Variants in BAZ1B observed in about 807,000 individuals in gnomAD.
BAZ1B encodes the protein bromodomain adjacent to zinc finger domain 1B.
Under a neutral mutation model 153.8 loss-of-function variants are expected in BAZ1B, and 22 were observed. That is an observed-to-expected ratio of 0.14 (90% CI 0.10 to 0.20). The LOEUF (loss-of-function observed/expected upper bound fraction) is 0.20, where lower values mean the gene tolerates loss of function less well. Among genes scored for constraint, BAZ1B ranks in the 10% least tolerant of loss-of-function variants. BAZ1B has a pLI of 1.00. For synonymous variants in BAZ1B, 676 were observed against 633.4 expected (o/e 1.07, Z -1.01); for missense variants, 1,325 against 1,799.3 (o/e 0.74, Z 4.77).
At position 73,521,832 on chromosome 7, in the gene BAZ1B, G is replaced by C; in HGVS notation, c.102C>G (p.Thr34=). 2.0e-6 allele frequency: 3 copies of C among 1,498,764 alleles called. No individual in the cohort carries two copies. Among genetic ancestry groups the C allele is most frequent in the East Asian group, 2.9e-5 (1 of 34,382 alleles). The allele number at this position is 1,498,764 out of a possible 1,614,324, so 92.8% of individuals were successfully genotyped here. The change falls in exon 1 of 20, where the codon ACC becomes ACG. Residue 34 remains threonine, a synonymous_variant. Transcript: ENST00000339594. Reference sequence around the variant, plus strand: ...GCGCGGCTGGAAAAGGATACTCCCGGGTGCGGAAGGCCTCCTGAGTGTGCG... The same window carrying C: ...GCGCGGCTGGAAAAGGATACTCCCGCGTGCGGAAGGCCTCCTGAGTGTGCG... ...TIPHTQEAFR[T]REEYEARLER... is the part of the protein sequence containing the mutation.
At chr7:73,442,135 C>CA in intron 19 of BAZ1B, 46 bp downstream of exon 19, 6 of 615,044 alleles carry the variant, frequency 9.8e-6, no homozygotes, top group Non-Finnish European at 1.2e-5. Flanking sequence ...CCTCGCTCGC[C>CA]TCCCTCCCAC....
At chr7:73,463,993 A>C in intron 11 of BAZ1B, 4 of 438,152 alleles carry the variant, frequency 9.1e-6, no homozygotes, top group African/African-American at 2.1e-5. Context: ...GGCGTGAGCC[A>C]CCGCGGCCGG....
chr7:73,444,207 T>G, intron 16 of BAZ1B, 78 bp from the exon 17 acceptor site: 1 of 1,447,966 alleles, frequency 6.9e-7, no homozygotes, highest in Non-Finnish European at 9.2e-7. Flanking sequence ...GGGAAAGGGA[T>G]GCAGGGAGAA....
At position 73,450,147 on chromosome 7, in the gene BAZ1B, A is replaced by C. The variant is rs1382221040; in HGVS notation, c.3581-458T>G. Among the ~76,000 whole-genome samples, 1 of 151,810 alleles carries C rather than the reference A, an allele frequency of 6.6e-6. No homozygotes were observed. Among genetic ancestry groups the C allele is most frequent in the East Asian group, 1.9e-4 (1 of 5,164 alleles). On this transcript the variant is annotated intron_variant, in intron 14 of 19. Transcript: ENST00000339594. The surrounding 1 kb of genome is among the most constrained non-coding windows in gnomAD (Gnocchi z 4.1). ...ACTGCAACCTCCGCCTCCCGGGTTC[A>C]AGTGATTCTCCTGCTTCAGCCTCCC...
At chr7:73,502,004 T>C (rs62465156) in intron 3 of BAZ1B, among the ~76,000 whole-genome samples, 9,271 of 151,566 alleles carry the variant, frequency 0.061, 321 homozygotes, top group African/African-American at 0.078. Context: ...AATTCTCCTG[T>C]CTCAGCCTTC....
intron 3 of BAZ1B, among the ~76,000 whole-genome samples, chr7:73,505,585 A>C (rs975911859): frequency 1.3e-5 from 2 of 152,128 alleles, no homozygotes; most frequent in African/African-American, 4.8e-5. Context: ...GCTGAAGAAC[A>C]GTTCAAGCAT....
At chr7:73,516,217 C>T (rs1554579259) in intron 1 of BAZ1B, among the ~76,000 whole-genome samples, 1 of 152,116 alleles carries the variant, frequency 6.6e-6, no homozygotes, top group African/African-American at 2.4e-5. Context: ...GGTCTCACTA[C>T]ATTGCCTTGT....
At chr7:73,472,559 G>A (rs1349729464) in intron 7 of BAZ1B, among the ~76,000 whole-genome samples, 5 of 152,018 alleles carry the variant, frequency 3.3e-5, no homozygotes, top group South Asian at 2.1e-4. Context: ...GCGCCCGGCC[G>A]CAGTTATACT....
intron 15 of BAZ1B, among the ~76,000 whole-genome samples, chr7:73,449,156 A>C (rs1239652982): frequency 6.6e-6 from 1 of 152,210 alleles, no homozygotes; most frequent in Non-Finnish European, 1.5e-5. Context: ...TCTACTCATG[A>C]TAGGGAAGAA....
intron 3 of BAZ1B, among the ~76,000 whole-genome samples, chr7:73,502,284 A>C (rs1388249205): frequency 6.6e-6 from 1 of 152,178 alleles, no homozygotes; most frequent in Non-Finnish European, 1.5e-5. Context: ...GCCGGTCATC[A>C]ATAAATATCT....
rs1482380778 is a variant in BAZ1B, at chr7:73,521,934, C to CGCGGCG, written c.-7_-2dup. The CGCGGCG allele has an allele frequency of 6.9e-7, 1 of 1,453,770 alleles. No individual in the cohort carries two copies. The highest frequency in any genetic ancestry group is 1.3e-5 in the South Asian group (1 of 77,002). 90.1% of individuals were successfully genotyped at this position (1,453,770 alleles called of 1,614,324 possible). On this transcript the variant is annotated 5_prime_UTR_variant, in exon 1 of 20. Transcript: ENST00000339594. ...GCTTGCGGCCCAGGAGCGGCGCCAT[C>CGCGGCG]GCGGCGGCGGCGGTGGGGACTGGCG... is the stretch of plus-strand genomic sequence containing the variant.
At chr7:73,506,986 C>T (rs1338846610) in intron 3 of BAZ1B, among the ~76,000 whole-genome samples, 3 of 143,704 alleles carry the variant, frequency 2.1e-5, no homozygotes, top group Non-Finnish European at 3.0e-5. Context: ...TCACGCCATT[C>T]TCCTGCCTCA....
In BAZ1B at chr7:73,477,774, T is replaced by C; in HGVS notation, c.1687A>G (p.Lys563Glu). 1 of 1,614,248 alleles carries C rather than the reference T, an allele frequency of 6.2e-7. No individual in the cohort carries two copies. The highest frequency in any genetic ancestry group is 8.5e-7 in the Non-Finnish European group (1 of 1,180,036). Reference sequence around the variant, plus strand: ...AGCATTTCTTTCTCTCTTCGTTCTTTGGCTTTTTCCTTCAACTTCTTTTTC... The same window carrying C: ...AGCATTTCTTTCTCTCTTCGTTCTTCGGCTTTTTCCTTCAACTTCTTTTTC... ...ELKKKLKEKA[K>E]ERREKEMLER... The change falls in exon 7 of 20, where the codon AAA (lysine) becomes GAA (glutamate). Residue 563 changes from lysine to glutamate, a missense_variant. Transcript: ENST00000339594. The surrounding 1 kb of genome is among the most constrained non-coding windows in gnomAD (Gnocchi z 5.6).
At chr7:73,508,180 C>G in intron 3 of BAZ1B, 147 bp downstream of exon 3, 1 of 850,944 alleles carries the variant, frequency 1.2e-6, no homozygotes, top group Non-Finnish European at 1.6e-6. Flanking sequence ...AGAAAACACA[C>G]AAGTATTAAC....
At chr7:73,453,608 A>G (rs1451661819) in intron 13 of BAZ1B, among the ~76,000 whole-genome samples, 1 of 152,216 alleles carries the variant, frequency 6.6e-6, no homozygotes, top group African/African-American at 2.4e-5. Context: ...CCTAATGAGA[A>G]GAGATTTAGC....
At chr7:73,494,369 C>T (rs781896087) in intron 4 of BAZ1B, among the ~76,000 whole-genome samples, 13 of 151,952 alleles carry the variant, frequency 8.6e-5, no homozygotes, top group Non-Finnish European at 1.8e-4. Context: ...GGCAACAGAG[C>T]GAGACTCTGT....
At chr7:73,457,313 G>C (rs540912318) in intron 13 of BAZ1B, among the ~76,000 whole-genome samples, 1 of 152,056 alleles carries the variant, frequency 6.6e-6, no homozygotes, top group Non-Finnish European at 1.5e-5. Flanking sequence ...TAGTAGCTGA[G>C]AATACAGGTG....
In BAZ1B at chr7:73,443,992, C is replaced by A; in HGVS notation, c.3982G>T (p.Asp1328Tyr). ...TGATAAATAATTCTCACCAGCTCAT[C>A]CACCTCAGCATCATCCACAGGTGGT... ...KAPPVDDAEV[D>Y]ELVLQTKRSS... Residue 1328 changes from aspartate to tyrosine, a missense_variant, in exon 17 of 20, where the codon GAT (aspartate) becomes TAT (tyrosine). By Grantham distance (160) the Asp-to-Tyr change is radical (BLOSUM62 -3). This residue lies in a region of BAZ1B where 271 missense variants were observed against 337.2 expected (regional missense o/e 0.80). Transcript: ENST00000339594. 1 of 1,613,204 alleles carries A rather than the reference C, an allele frequency of 6.2e-7. No individual in the cohort carries two copies. Among genetic ancestry groups the A allele is most frequent in the Non-Finnish European group, 8.5e-7 (1 of 1,179,656 alleles).
Position 73,454,385 on chromosome 7 carries a change from G to T in BAZ1B, c.3433-3391C>A, listed in dbSNP as rs549075036. ...GATAATGACACACCACATAGTAAGTGTCTCAGCTTAAGTCATGAATTAAAT... is the reference window on the plus strand; with the variant it reads ...GATAATGACACACCACATAGTAAGTTTCTCAGCTTAAGTCATGAATTAAAT... On this transcript the variant is annotated intron_variant, in intron 13 of 19. Transcript: ENST00000339594. Among the ~76,000 whole-genome samples, 44 of 152,248 alleles carry T rather than the reference G, an allele frequency of 2.9e-4. 2 individuals are homozygous for T. The South Asian group carries it at 8.5e-3, about 29-fold the overall frequency.
Sources: gnomAD v4.1 joint callset for allele counts (sites outside exome capture counted in the v4.1 genomes callset) on GRCh38, gnomAD v4.1.1 for gene constraint, gnomAD v4.1.1 regional missense constraint, Gnocchi (gnomAD v3.1) non-coding constraint, MANE v1.5 for transcripts, NCBI Gene and HGNC (gene_info 2026-07-23, HGNC 2026-07-21) for gene names.